PADI1: variants seen among roughly 807,000 people sequenced by gnomAD.
The protein encoded by PADI1 is peptidyl arginine deiminase 1.
PADI1 carries 65 observed loss-of-function variants against 74.8 expected under a neutral mutation model. The ratio of observed to expected loss-of-function variants is 0.87; its 90% confidence interval spans 0.71 to 1.07. PADI1 has a LOEUF of 1.07. Among genes scored for constraint, PADI1 ranks in the 50% least tolerant of loss-of-function variants. PADI1 has a pLI of 0.00. For synonymous variants in PADI1, 371 were observed against 336.2 expected, an observed-to-expected ratio of 1.10 and a Z score of -1.13; for missense variants, 943 against 854.0, an observed-to-expected ratio of 1.10 and a Z score of -1.30.
At position 17,222,276 on chromosome 1, in the gene PADI1, C is replaced by G. The variant is rs2072176331; in HGVS notation, c.93-14C>G. 1.2e-6 allele frequency: 2 copies of G among 1,609,574 alleles called. No homozygotes were observed. The highest frequency in any genetic ancestry group is 2.2e-5 in the South Asian group (2 of 90,976). Reference sequence around the variant, plus strand: ...GGGAAGACTGGTTCTCTTCCCATCTCTCTTCTCTGCCAGTGATGTGCCCAA... The same window carrying G: ...GGGAAGACTGGTTCTCTTCCCATCTGTCTTCTCTGCCAGTGATGTGCCCAA... On this transcript the variant is annotated splice_polypyrimidine_tract_variant and intron_variant, in intron 1 of 15. Coordinates refer to ENST00000375471, the MANE Select transcript of PADI1 (RefSeq NM_013358.3).
intron 1 of PADI1, among the ~76,000 whole-genome samples, chr1:17,208,488 CTGACT>C (rs1344866178): frequency 8.0e-6 from 1 of 124,908 alleles, no homozygotes; most frequent in South Asian, 2.6e-4. Flanking sequence ...CTGTCCACCC[CTGACT>C]CCAGAGGGCT....
intron 10 of PADI1, among the ~76,000 whole-genome samples, chr1:17,230,890 C>T (rs917974305): frequency 6.6e-6 from 1 of 152,196 alleles, no homozygotes; most frequent in African/African-American, 2.4e-5. Flanking sequence ...AAATAGGCAG[C>T]AGCCTGATTG....
In PADI1 at chr1:17,222,284, T is replaced by TGCCAGTGATGTGCCCAAGGGTGCCA. The variant is rs759058097; in HGVS notation, c.93-5_112dup. On this transcript the variant is annotated splice_region_variant and splice_polypyrimidine_tract_variant and intron_variant, in intron 1 of 15. Coordinates refer to ENST00000375471, the MANE Select transcript of PADI1 (RefSeq NM_013358.3). ...TGGTTCTCTTCCCATCTCTCTTCTC[T>TGCCAGTGATGTGCCCAAGGGTGCCA]GCCAGTGATGTGCCCAAGGGTGCCA... 1 of 1,611,668 alleles carries TGCCAGTGATGTGCCCAAGGGTGCCA rather than the reference T, an allele frequency of 6.2e-7. No homozygotes were observed. The highest frequency in any genetic ancestry group is 8.5e-7 in the Non-Finnish European group (1 of 1,177,836).
rs41300110 is a variant in PADI1, at chr1:17,244,272, C to T, written c.*29C>T. On this transcript the variant is annotated 3_prime_UTR_variant, in exon 16 of 16. Coordinates refer to ENST00000375471, the MANE Select transcript of PADI1 (RefSeq NM_013358.3). ...TGCCCCCACCCGCCATCCTCTCTGC[C>T]CTCTTGCTAGGGAACCCTGCCAGGG... The T allele has an allele frequency of 1.2e-5, 19 of 1,552,342 alleles. No homozygotes were observed. Among genetic ancestry groups the T allele is most frequent in the African/African-American group, 2.7e-5 (2 of 73,588 alleles).
At chr1:17,223,300 G>A (rs543104194) in intron 2 of PADI1, among the ~76,000 whole-genome samples, 1 of 152,142 alleles carries the variant, frequency 6.6e-6, no homozygotes, top group Admixed American at 6.6e-5. Context: ...TGCCTAAGTC[G>A]ATGGAGCCGG....
At position 17,206,308 on chromosome 1, in the gene PADI1, T is replaced by C. The variant is rs113570746; in HGVS notation, c.92+999T>C. 7.8e-3 allele frequency among the ~76,000 whole-genome samples: 1,186 copies of C among 152,356 alleles called. 22 individuals are homozygous for C. The highest frequency in any genetic ancestry group is 0.027 in the African/African-American group (1,106 of 41,588). ...AATGTATGTGGGGCCCAGGGCCAGCTGCCCACCTGGCCTCTGGTGATCCTC... is the reference window on the plus strand; with the variant it reads ...AATGTATGTGGGGCCCAGGGCCAGCCGCCCACCTGGCCTCTGGTGATCCTC... On this transcript the variant is annotated intron_variant, in intron 1 of 15. Coordinates refer to ENST00000375471, the MANE Select transcript of PADI1 (RefSeq NM_013358.3).
At chr1:17,240,798 CG>C (rs1204610168) in intron 15 of PADI1, 38 bp downstream of exon 15, 1 of 1,601,060 alleles carries the variant, frequency 6.2e-7, no homozygotes, top group Non-Finnish European at 8.5e-7. Context: ...GGGGGGTCTG[CG>C]GGGCTCTGAG....
intron 1 of PADI1, among the ~76,000 whole-genome samples, chr1:17,218,554 G>A (rs958294602): frequency 2.6e-5 from 4 of 152,190 alleles, no homozygotes; most frequent in Admixed American, 2.6e-4. Flanking sequence ...GCCTCTGACA[G>A]GTCAATGAGG....
At position 17,214,256 on chromosome 1, in the gene PADI1, A is replaced by G. The variant is rs117039472; in HGVS notation, c.93-8034A>G. 1.9e-3 allele frequency among the ~76,000 whole-genome samples: 296 copies of G among 152,280 alleles called. 6 individuals carry two copies. The East Asian group carries it at 0.034, about 18-fold the overall frequency. On this transcript the variant is annotated intron_variant, in intron 1 of 15. Transcript: ENST00000375471. ...CAGTTGAGTGACCCAGTTGGAGGCC[A>G]TGCTCCACACAGAACCCACACTTCA...
At chr1:17,234,676 T>C (rs1416177465) in intron 11 of PADI1, among the ~76,000 whole-genome samples, 1 of 152,180 alleles carries the variant, frequency 6.6e-6, no homozygotes, top group Non-Finnish European at 1.5e-5. Context: ...GTTCAGTAAA[T>C]ATTTATGGAG....
chr1:17,205,942 G>A (rs946574375), intron 1 of PADI1, among the ~76,000 whole-genome samples: 1 of 152,196 alleles, frequency 6.6e-6, no homozygotes, highest in Non-Finnish European at 1.5e-5. Flanking sequence ...TGGCAATGAT[G>A]ACATCTGAGG....
intron 15 of PADI1, 27 bp downstream of exon 15, chr1:17,240,787 TG>T (rs746858398): frequency 4.4e-6 from 7 of 1,608,930 alleles, no homozygotes; most frequent in Admixed American, 1.7e-5. Flanking sequence ...AGGGTCCTGC[TG>T]GGGGGTCTGC....
At chr1:17,233,638 G>A (rs757377161) in intron 11 of PADI1, among the ~76,000 whole-genome samples, 1 of 152,234 alleles carries the variant, frequency 6.6e-6, no homozygotes, top group Non-Finnish European at 1.5e-5. Flanking sequence ...TCAGGGTCCT[G>A]GTGGGTCCCC....
Position 17,222,378 on chromosome 1 carries a change from G to C in PADI1, c.181G>C (p.Glu61Gln), listed in dbSNP as rs146197780. 6.2e-6 allele frequency: 10 copies of C among 1,613,974 alleles called. No individual in the cohort carries two copies. The African/African-American group carries it at 1.3e-4, about 22-fold the overall frequency. The change falls in exon 2 of 16, where the codon GAG (glutamate) becomes CAG (glutamine). Residue 61 changes from glutamate to glutamine, a missense_variant. Coordinates refer to ENST00000375471, the MANE Select transcript of PADI1 (RefSeq NM_013358.3). The part of the protein sequence containing the change: ...FMVYNRTRVK[E>Q]PIGKARWPLD... The stretch of plus-strand genomic sequence containing the variant: ...GGTCTACAACCGCACACGTGTGAAA[G>C]AGCCCATAGGCAAGGCCCGTTGGCC...
intron 11 of PADI1, among the ~76,000 whole-genome samples, chr1:17,233,979 G>T (rs1243662110): frequency 3.3e-5 from 5 of 152,214 alleles, no homozygotes; most frequent in Non-Finnish European, 7.3e-5. Context: ...AGACACTACT[G>T]TGTGGGCTGT....
chr1:17,215,236 C>G (rs2071943886), intron 1 of PADI1, among the ~76,000 whole-genome samples: 2 of 152,084 alleles, frequency 1.3e-5, no homozygotes, highest in Non-Finnish European at 2.9e-5. Context: ...CCCAGCACCC[C>G]AGAGAGAGGT....
chr1:17,234,744 C>T (rs916491738), intron 11 of PADI1, among the ~76,000 whole-genome samples: 1 of 152,196 alleles, frequency 6.6e-6, no homozygotes, highest in Admixed American at 6.5e-5. Context: ...GGCTGAGGAG[C>T]TTGCCCTTGA....
rs535405738 is a variant in PADI1 at position 17,230,827 on chromosome 1, G to A, written c.1161+148G>A. The A allele has an allele frequency of 9.5e-4, 573 of 601,480 alleles. 3 individuals carry two copies. Among genetic ancestry groups the A allele is most frequent in the Admixed American group, 1.5e-3 (47 of 30,344 alleles). The allele number at this position is 601,480 out of a possible 1,614,324, so 37.3% of individuals were successfully genotyped here. A position where few individuals can be genotyped will look rare whatever the true frequency, so the allele number is the denominator to read the frequency against. ...CAGGAGGTGGGATGTCAGCAAACTG[G>A]GGAGCCAGTGCGGAGTTTGGGCAAG... On this transcript the variant is annotated intron_variant, in intron 10 of 15. Coordinates refer to ENST00000375471, the MANE Select transcript of PADI1 (RefSeq NM_013358.3).
intron 15 of PADI1, among the ~76,000 whole-genome samples, chr1:17,243,549 C>T (rs1377883461): frequency 6.6e-6 from 1 of 152,212 alleles, no homozygotes; most frequent in Admixed American, 6.5e-5. Context: ...ATGATCAGGG[C>T]TGCCAAAGAC....
Sources: gnomAD v4.1 joint callset for allele counts (sites outside exome capture counted in the v4.1 genomes callset) on GRCh38, gnomAD v4.1.1 for gene constraint, MANE v1.5 for transcripts, NCBI Gene and HGNC (gene_info 2026-07-23, HGNC 2026-07-21) for gene names.